ZNF621: variants seen among roughly 807,000 people sequenced by gnomAD.
ZNF621 encodes zinc finger protein 621.
Under a neutral mutation model 12.7 loss-of-function variants are expected in ZNF621, and 6 were observed. The observed-to-expected ratio is 0.47, with a 90% CI of 0.26 to 0.93. The LOEUF (loss-of-function observed/expected upper bound fraction) is 0.93. Ranked by LOEUF, ZNF621 falls within the 40% of genes least tolerant of loss-of-function variation. The probability of loss-of-function intolerance (pLI) is 0.15; values close to 1 mark genes in which losing one functional copy is unlikely to be tolerated. For synonymous variants in ZNF621, 156 were observed against 190.3 expected, an observed-to-expected ratio of 0.82 and a Z score of 1.48; for missense variants, 474 against 524.0, an observed-to-expected ratio of 0.90 and a Z score of 0.93.
intron 1 of ZNF621, chr3:40,525,489 T>TTGGG: frequency 4.1e-6 from 2 of 486,850 alleles, no homozygotes; most frequent in East Asian, 7.8e-5. Flanking sequence ...CTCTTTACGT[T>TTGGG]TGTAGAGACC....
upstream of ZNF621, chr3:40,524,885 G>A (rs1322081395): frequency 1.3e-5 from 2 of 152,328 alleles, no homozygotes; most frequent in Non-Finnish European, 2.9e-5. Flanking sequence ...CATGAAAGGC[G>A]GGGCGGGTCT....
intron 3 of ZNF621, 174 bp downstream of exon 3, chr3:40,529,619 GT>G: frequency 1.4e-6 from 2 of 1,466,340 alleles, no homozygotes; most frequent in Non-Finnish European, 1.8e-6. Context: ...TTGTTTGTTT[GT>G]TTTGTTTGTT....
Position 40,530,242 on chromosome 3 carries a change from C to T in ZNF621, c.185C>T (p.Ser62Phe), listed in dbSNP as rs374336887. ...AFPFPKPALI[S>F]HLERGEAPWG... ...CCATTCCCCAAACCTGCTCTGATCT[C>T]CCACCTGGAGAGAGGGGAAGCACCA... Residue 62 changes from serine to phenylalanine, a missense_variant, in exon 4 of 5, where the codon TCC becomes TTC. By Grantham distance (155) the Ser-to-Phe change is radical (BLOSUM62 -2). Coordinates refer to ENST00000339296, the MANE Select transcript of ZNF621 (RefSeq NM_198484.5). 6.8e-6 allele frequency: 11 copies of T among 1,613,876 alleles called. No individual in the cohort carries two copies. The highest frequency in any genetic ancestry group is 1.7e-4 in the Middle Eastern group (1 of 6,060).
rs750785478 is a variant in ZNF621 at position 40,525,197 on chromosome 3, C to G, written c.-140C>G. 1 of 152,676 alleles carries G rather than the reference C, an allele frequency of 6.5e-6. No homozygotes were observed. The highest frequency in any genetic ancestry group is 2.1e-4 in the South Asian group (1 of 4,840). The allele number at this position is 152,676 out of a possible 1,614,324, so 9.5% of individuals were successfully genotyped here. Reference sequence around the variant, plus strand: ...GGTGGCTGCTCGGGCTTCTAGAGCCCGTGTCCAGCCCTTTGCCACCGAGGC... The same window carrying G: ...GGTGGCTGCTCGGGCTTCTAGAGCCGGTGTCCAGCCCTTTGCCACCGAGGC... On this transcript the variant is annotated 5_prime_UTR_variant, in exon 1 of 5. Coordinates refer to ENST00000339296, the MANE Select transcript of ZNF621 (RefSeq NM_198484.5).
At chr3:40,524,280 G>GT (rs1254026503), upstream of ZNF621, among the ~76,000 whole-genome samples, 1 of 152,150 alleles carries the variant, frequency 6.6e-6, no homozygotes, top group Non-Finnish European at 1.5e-5. Context: ...AAAAATAGCT[G>GT]TAACTACGAG....
rs1698779406 is a variant in ZNF621, at chr3:40,533,118, T to C, written c.*28T>C. Reference sequence around the variant, plus strand: ...TTTATCTTGGCAGTCTTACGGCTCTTATGCCTAGCAAATCTCCAGCCTAAT... The same window carrying C: ...TTTATCTTGGCAGTCTTACGGCTCTCATGCCTAGCAAATCTCCAGCCTAAT... On this transcript the variant is annotated 3_prime_UTR_variant, in exon 5 of 5. Transcript: ENST00000339296. The C allele has an allele frequency of 6.5e-7, 1 of 1,539,406 alleles. No individual in the cohort carries two copies. Among genetic ancestry groups the C allele is most frequent in the African/African-American group, 1.4e-5 (1 of 72,296 alleles).
At chr3:40,529,547 T>C in intron 3 of ZNF621, 102 bp downstream of exon 3, 1 of 1,592,570 alleles carries the variant, frequency 6.3e-7, no homozygotes, top group Non-Finnish European at 8.6e-7. Context: ...GAGGAGAGTT[T>C]TGCAATCAGC....
chr3:40,530,170 C>G, intron 3 of ZNF621, 39 bp from the exon 4 acceptor site: 12 of 1,545,566 alleles, frequency 7.8e-6, no homozygotes, highest in Non-Finnish European at 1.1e-5. Context: ...TAGCTCTGGA[C>G]GTCTCCCCTC....
In ZNF621 at chr3:40,533,965, A is replaced by G. The variant is rs542425926; in HGVS notation, c.*875A>G. Reference sequence around the variant, plus strand: ...AAGTATGTTGATGGCAGTGAGAGTAATCATGTCTTTAAACGTGAAGTTTTT... The same window carrying G: ...AAGTATGTTGATGGCAGTGAGAGTAGTCATGTCTTTAAACGTGAAGTTTTT... On this transcript the variant is annotated 3_prime_UTR_variant, in exon 5 of 5. Coordinates refer to ENST00000339296, the MANE Select transcript of ZNF621 (RefSeq NM_198484.5). 5.9e-5 allele frequency: 9 copies of G among 152,682 alleles called. No homozygotes were observed. In the East Asian group the frequency reaches 1.7e-3, roughly 29 times the overall value. 9.5% of individuals were successfully genotyped at this position (152,682 alleles called of 1,614,324 possible).
Position 40,534,161 on chromosome 3 carries a change from T to C in ZNF621, c.*1071T>C, listed in dbSNP as rs1698806444. On this transcript the variant is annotated 3_prime_UTR_variant, in exon 5 of 5. Coordinates refer to ENST00000339296, the MANE Select transcript of ZNF621 (RefSeq NM_198484.5). ...TGGCTTCTATATTTTATTTCATATT[T>C]ATGAATTATAAATATGAATTTAATT... The C allele has an allele frequency of 6.6e-6, 1 of 152,392 alleles. No homozygotes were observed. The highest frequency in any genetic ancestry group is 2.4e-5 in the African/African-American group (1 of 41,442). The allele number at this position is 152,392 out of a possible 1,614,324, so 9.4% of individuals were successfully genotyped here. A position where few individuals can be genotyped will look rare whatever the true frequency, so the allele number is the denominator to read the frequency against.
At chr3:40,524,784 G>T (rs1289052234), upstream of ZNF621, 1 of 152,308 alleles carries the variant, frequency 6.6e-6, no homozygotes, top group Non-Finnish European at 1.5e-5. Flanking sequence ...GGAGAAAGCC[G>T]GGCTTAGAGC....
Position 40,536,872 on chromosome 3 carries a change from C to A in ZNF621, c.*3782C>A, listed in dbSNP as rs921057249. ...TCTTACACAGAAACTTAAAATATTTCAAACTTTTCATTATATGTGTTTTGG... is the reference window on the plus strand; with the variant it reads ...TCTTACACAGAAACTTAAAATATTTAAAACTTTTCATTATATGTGTTTTGG... On this transcript the variant is annotated 3_prime_UTR_variant, in exon 5 of 5. Transcript: ENST00000339296. 6.6e-6 allele frequency: 1 copy of A among 152,066 alleles called. No individual in the cohort carries two copies. Among genetic ancestry groups the A allele is most frequent in the Non-Finnish European group, 1.5e-5 (1 of 68,012 alleles). 9.4% of individuals were successfully genotyped at this position (152,066 alleles called of 1,614,324 possible).
In ZNF621 at chr3:40,535,689, G is replaced by C. The variant is rs1698850162; in HGVS notation, c.*2599G>C. On this transcript the variant is annotated 3_prime_UTR_variant, in exon 5 of 5. Coordinates refer to ENST00000339296, the MANE Select transcript of ZNF621 (RefSeq NM_198484.5). ...GTTGCAGGGGCTTCTGGGAAATACA[G>C]GTTTTGGATTCTGCCTGGGAAGAGA... is the stretch of plus-strand genomic sequence containing the variant. 1 of 152,166 alleles carries C rather than the reference G, an allele frequency of 6.6e-6. No homozygotes were observed. Among genetic ancestry groups the C allele is most frequent in the Non-Finnish European group, 1.5e-5 (1 of 68,018 alleles). 9.4% of individuals were successfully genotyped at this position (152,166 alleles called of 1,614,324 possible). A position where few individuals can be genotyped will look rare whatever the true frequency, so the allele number is the denominator to read the frequency against.
intron 2 of ZNF621, among the ~76,000 whole-genome samples, chr3:40,529,065 G>C (rs778120499): frequency 1.2e-4 from 19 of 152,196 alleles, no homozygotes; most frequent in Non-Finnish European, 2.4e-4. Flanking sequence ...TGGGTGCCAA[G>C]CTGTAAGAAT....
In ZNF621 at chr3:40,529,391, A is replaced by C; in HGVS notation, c.97A>C (p.Arg33=). The C allele has an allele frequency of 6.2e-7, 1 of 1,613,908 alleles. No homozygotes were observed. The highest frequency in any genetic ancestry group is 8.5e-7 in the Non-Finnish European group (1 of 1,179,872). Residue 33 remains arginine, a synonymous_variant, in exon 3 of 5, where the codon AGG becomes CGG. Coordinates refer to ENST00000339296, the MANE Select transcript of ZNF621 (RefSeq NM_198484.5). ...ATGGGCCAGCCTCGACCCTGCGCAGAGGGCCCTGTACGGGGAGGTGATGCT... is the reference window on the plus strand; with the variant it reads ...ATGGGCCAGCCTCGACCCTGCGCAGCGGGCCCTGTACGGGGAGGTGATGCT... ...NQWASLDPAQ[R]ALYGEVMLEN...
intron 4 of ZNF621, 38 bp from the exon 5 acceptor site, chr3:40,531,992 G>T: frequency 1.3e-6 from 2 of 1,549,276 alleles, no homozygotes; most frequent in Non-Finnish European, 1.7e-6. Flanking sequence ...TTTTCTTCCA[G>T]TTTTGTAACT....
chr3:40,527,661 C>A (rs1460867159), intron 2 of ZNF621, among the ~76,000 whole-genome samples: 1 of 152,180 alleles, frequency 6.6e-6, no homozygotes, highest in Admixed American at 6.5e-5. Context: ...TTCCCTGCCC[C>A]TACACATGTA....
upstream of ZNF621, among the ~76,000 whole-genome samples, chr3:40,523,374 G>A (rs1304729387): frequency 6.6e-6 from 1 of 152,156 alleles, no homozygotes; most frequent in African/African-American, 2.4e-5. Flanking sequence ...TTTAGTGGTG[G>A]GAGACCAATT....
Position 40,537,399 on chromosome 3 carries a change from C to T in ZNF621, c.*4309C>T, listed in dbSNP as rs996497166. On this transcript the variant is annotated 3_prime_UTR_variant, in exon 5 of 5. Coordinates refer to ENST00000339296, the MANE Select transcript of ZNF621 (RefSeq NM_198484.5). ...GGAGGATCCCCTGAAGCCAGGAGTC[C>T]GAGACCAGCTTGGGCCACAAAGTGA... The T allele has an allele frequency of 6.6e-6, 1 of 152,166 alleles. No individual in the cohort carries two copies. Among genetic ancestry groups the T allele is most frequent in the Admixed American group, 6.5e-5 (1 of 15,276 alleles). The allele number at this position is 152,166 out of a possible 1,614,324, so 9.4% of individuals were successfully genotyped here.
Sources: gnomAD v4.1 joint callset for allele counts (sites outside exome capture counted in the v4.1 genomes callset) on GRCh38, gnomAD v4.1.1 for gene constraint, MANE v1.5 for transcripts, NCBI Gene and HGNC (gene_info 2026-07-23, HGNC 2026-07-21) for gene names.